The following NFATC1 variants were observed in gnomAD, a reference collection of about 807,000 sequenced individuals.
NFATC1 encodes the protein nuclear factor of activated T cells 1.
NFATC1 carries 22 observed loss-of-function variants against 76.0 expected under a neutral mutation model. The ratio of observed to expected loss-of-function variants is 0.29; its 90% CI spans 0.21 to 0.41. NFATC1 has a LOEUF of 0.41. Ranked by LOEUF, NFATC1 falls within the 10% of genes least tolerant of loss-of-function variation. NFATC1 has a pLI of 1.00. For missense variants in NFATC1, 1,357 were observed against 1,337.7 expected, an observed-to-expected ratio of 1.01 and a Z score of -0.23; for synonymous variants, 704 against 613.1, an observed-to-expected ratio of 1.15 and a Z score of -2.19.
At chr18:79,518,923 G>C (rs2090448490) in intron 9 of NFATC1, among the ~76,000 whole-genome samples, 1 of 152,248 alleles carries the variant, frequency 6.6e-6, no homozygotes, top group Non-Finnish European at 1.5e-5. Context: ...TTGTTTCTCC[G>C]TGTGAGATGC....
chr18:79,410,842 C>T lies in NFATC1; in HGVS notation c.567C>T (p.Tyr189=), dbSNP rs140225213. The change falls in exon 2 of 10, where the codon TAC becomes TAT. Residue 189 remains tyrosine, a synonymous_variant. Transcript: ENST00000427363. The surrounding 1 kb of genome is among the most constrained non-coding windows in gnomAD (Gnocchi z 6.7). ...GCTGCAACTCAGAGGCCTCCTCCTA[C>T]GAGTCCAACTACTCGTACCCGTACG... ...SRSCNSEASS[Y]ESNYSYPYAS... is the part of the protein sequence containing the mutation. 255 of 1,611,066 alleles carry T rather than the reference C, an allele frequency of 1.6e-4. No homozygotes were observed. The African/African-American group carries it at 2.7e-3, about 17-fold the overall frequency.
At chr18:79,518,589 C>T (rs2090441815) in intron 9 of NFATC1, among the ~76,000 whole-genome samples, 1 of 152,260 alleles carries the variant, frequency 6.6e-6, no homozygotes, top group African/African-American at 2.4e-5. Flanking sequence ...ATATAGAAAA[C>T]AGACTTGGAA....
At chr18:79,455,853 G>A (rs535764861) in intron 6 of NFATC1, among the ~76,000 whole-genome samples, 35 of 152,206 alleles carry the variant, frequency 2.3e-4, no homozygotes, top group Non-Finnish European at 4.3e-4. Context: ...AGGCCTGTGG[G>A]CAGGCACTAG....
chr18:79,405,954 C>T (rs1416483384), intron 1 of NFATC1, among the ~76,000 whole-genome samples: 8 of 152,150 alleles, frequency 5.3e-5, no homozygotes, highest in African/African-American at 9.7e-5. Context: ...GTCACAGAAA[C>T]GTCAAGGGCT....
chr18:79,420,621 G>A (rs879369775), intron 2 of NFATC1, among the ~76,000 whole-genome samples: 4 of 151,726 alleles, frequency 2.6e-5, no homozygotes, highest in Non-Finnish European at 5.9e-5. Context: ...GCTGCAGAGG[G>A]GAAGAGGTGG....
chr18:79,519,425 T>G (rs1600992811), intron 9 of NFATC1, among the ~76,000 whole-genome samples: 2 of 152,150 alleles, frequency 1.3e-5, no homozygotes, highest in Non-Finnish European at 2.9e-5. Flanking sequence ...CTCAACCTCC[T>G]GGGCTCAAGC....
chr18:79,474,139 C>T (rs1171092873), intron 8 of NFATC1, among the ~76,000 whole-genome samples: 5 of 125,952 alleles, frequency 4.0e-5, no homozygotes, highest in Non-Finnish European at 8.0e-5. Context: ...TCGCTGTCGA[C>T]GTTGTAAACC....
rs530970849 is a variant in NFATC1 at position 79,449,503 on chromosome 18, C to G, written c.1589+519C>G. ...CTTACTCACTTAATCCTAGCTTGTGCTGGGCACGCTGGCCCTAACCTGTGA... is the reference window on the plus strand; with the variant it reads ...CTTACTCACTTAATCCTAGCTTGTGGTGGGCACGCTGGCCCTAACCTGTGA... On this transcript the variant is annotated intron_variant, in intron 4 of 9. Coordinates refer to ENST00000427363, the MANE Select transcript of NFATC1 (RefSeq NM_001278669.2). Among the ~76,000 whole-genome samples the G allele has an allele frequency of 7.9e-5, 12 of 152,378 alleles. No individual in the cohort carries two copies. The South Asian group carries it at 2.5e-3, about 32-fold the overall frequency.
At chr18:79,434,547 G>T (rs956864267) in intron 3 of NFATC1, among the ~76,000 whole-genome samples, 12 of 152,380 alleles carry the variant, frequency 7.9e-5, no homozygotes, top group African/African-American at 2.4e-4. Context: ...TAGATCTGCT[G>T]CTTTGGCAGC....
At chr18:79,494,835 GC>G (rs1210669940) in intron 9 of NFATC1, among the ~76,000 whole-genome samples, 2 of 120,354 alleles carry the variant, frequency 1.7e-5, no homozygotes, top group Non-Finnish European at 3.6e-5. Context: ...GCGGGCACAC[GC>G]CCCCCATGAA....
At chr18:79,396,470 C>A in intron 1 of NFATC1, 119 bp downstream of exon 1, 1 of 534,104 alleles carries the variant, frequency 1.9e-6, no homozygotes. Flanking sequence ...CGAGGTCGGC[C>A]GGGTCTGTGC....
At chr18:79,501,552 TG>T (rs1031556173) in intron 9 of NFATC1, among the ~76,000 whole-genome samples, 7 of 152,124 alleles carry the variant, frequency 4.6e-5, no homozygotes, top group African/African-American at 1.7e-4. Flanking sequence ...TTGTCTTTAT[TG>T]GAAGAAAACG....
intron 8 of NFATC1, among the ~76,000 whole-genome samples, chr18:79,471,769 A>G (rs1177692873): frequency 6.6e-6 from 1 of 152,254 alleles, no homozygotes; most frequent in Admixed American, 6.5e-5. Flanking sequence ...ACAGAACGTG[A>G]CATCCAGGGT....
At position 79,437,803 on chromosome 18, in the gene NFATC1, G is replaced by A. The variant is rs549198969; in HGVS notation, c.1386+4065G>A. ...TCAACGGAGCTGGAACCAGGAGTTC[G>A]CGAGTGCTCTGGGTGGCTGCTGGCT... On this transcript the variant is annotated intron_variant, in intron 3 of 9. Transcript: ENST00000427363. Among the ~76,000 whole-genome samples the A allele has an allele frequency of 7.9e-5, 12 of 152,320 alleles. No individual in the cohort carries two copies. In the South Asian group the frequency reaches 1.0e-3, roughly 13 times the overall value.
In NFATC1 at chr18:79,411,151, G is replaced by T. The variant is rs2085661967; in HGVS notation, c.876G>T (p.Arg292=). ...SPTPSPHGSP[R]VSVTDDSWLG... is the part of the protein sequence containing the mutation. ...CGCCGTCCCCGCACGGCTCCCCGCG[G>T]GTCAGCGTGACCGACGACTCGTGGT... Residue 292 remains arginine (R), a synonymous_variant, in exon 2 of 10, where the codon CGG becomes CGT. Coordinates refer to ENST00000427363, the MANE Select transcript of NFATC1 (RefSeq NM_001278669.2). 1 of 1,612,398 alleles carries T rather than the reference G, an allele frequency of 6.2e-7. No individual in the cohort carries two copies. The highest frequency in any genetic ancestry group is 8.5e-7 in the Non-Finnish European group (1 of 1,179,824).
intron 3 of NFATC1, among the ~76,000 whole-genome samples, chr18:79,444,404 C>T (rs576705164): frequency 1.3e-5 from 2 of 152,262 alleles, no homozygotes; most frequent in East Asian, 1.9e-4. Context: ...AGGTGTGCGG[C>T]GTCAGGCTGT....
chr18:79,521,704 A>G (rs554684184), intron 9 of NFATC1, among the ~76,000 whole-genome samples: 35 of 18,236 alleles, frequency 1.9e-3, no homozygotes, highest in Admixed American at 4.1e-3. Context: ...GTGTGTGGGG[A>G]GCATCCACTG....
intron 1 of NFATC1, among the ~76,000 whole-genome samples, chr18:79,408,130 C>G (rs1481977666): frequency 6.6e-6 from 1 of 152,210 alleles, no homozygotes; most frequent in Non-Finnish European, 1.5e-5. Flanking sequence ...GGCGCTAGAA[C>G]CATTTCTGTT....
intron 9 of NFATC1, among the ~76,000 whole-genome samples, chr18:79,507,631 G>A (rs2090146049): frequency 6.6e-6 from 1 of 152,236 alleles, no homozygotes; most frequent in South Asian, 2.1e-4. Context: ...CCCTGGGCCA[G>A]GGGACAAATG....
Sources: gnomAD v4.1 joint callset for allele counts (sites outside exome capture counted in the v4.1 genomes callset) on GRCh38, gnomAD v4.1.1 for gene constraint, Gnocchi (gnomAD v3.1) non-coding constraint, MANE v1.5 for transcripts, NCBI Gene and HGNC (gene_info 2026-07-23, HGNC 2026-07-21) for gene names.